CHAF1B: variants seen among roughly 807,000 people sequenced by gnomAD.
The protein encoded by CHAF1B is chromatin assembly factor 1 subunit B.
CHAF1B carries 10 observed loss-of-function variants against 60.7 expected under a neutral mutation model. The observed-to-expected ratio is 0.16, with a 90% CI of 0.10 to 0.28. The LOEUF is 0.28. Among genes scored for constraint, CHAF1B ranks in the 10% least tolerant of loss-of-function variants. The pLI is 1.00. For missense variants in CHAF1B, 558 were observed against 708.4 expected (o/e 0.79, Z 2.41); for synonymous variants, 261 against 266.1 (o/e 0.98, Z 0.19).
chr21:36,409,488 G>C, intron 10 of CHAF1B, 23 bp downstream of exon 10: 1 of 1,581,036 alleles, frequency 6.3e-7, no homozygotes, highest in Non-Finnish European at 8.7e-7. Flanking sequence ...CCTCAGGGGT[G>C]TGTTATGTTT....
At chr21:36,402,912 T>G (rs925969228) in intron 8 of CHAF1B, 61 bp downstream of exon 8, 7 of 1,338,918 alleles carry the variant, frequency 5.2e-6, no homozygotes, top group Non-Finnish European at 7.5e-6. Flanking sequence ...CTGCTCCCGT[T>G]TTACGCTGCA....
intron 10 of CHAF1B, among the ~76,000 whole-genome samples, chr21:36,410,329 T>C (rs1298438420): frequency 6.6e-6 from 1 of 152,224 alleles, no homozygotes; most frequent in Non-Finnish European, 1.5e-5. Flanking sequence ...ATAGTTTTTA[T>C]TACATTTGGG....
In CHAF1B at chr21:36,387,661, C is replaced by T. The variant is rs1322452912; in HGVS notation, c.190C>T (p.Arg64Cys). Reference sequence around the variant, plus strand: ...CGTGGAATTTTTGTCCAATCTTGCTCGTCATACCAAAGCCGTCAATGTTGT... The same window carrying T: ...CGTGGAATTTTTGTCCAATCTTGCTTGTCATACCAAAGCCGTCAATGTTGT... ...AIVEFLSNLA[R>C]HTKAVNVVRF... Residue 64 changes from arginine (R) to cysteine (C), a missense_variant, in exon 3 of 14, where the codon CGT becomes TGT. Physicochemically the swap from Arg to Cys is radical, Grantham distance 180 (BLOSUM62 -3). Transcript: ENST00000314103. The T allele has an allele frequency of 1.2e-6, 2 of 1,614,152 alleles. No homozygotes were observed. The highest frequency in any genetic ancestry group is 1.7e-6 in the Non-Finnish European group (2 of 1,180,034).
chr21:36,402,964 G>A lies in CHAF1B; in HGVS notation c.757+113G>A, dbSNP rs564121264. ...AATGCTGATTAGAGTGGGGGTCCCC[G>A]ACTTACCTGCCCATTGGAACCTCCA... is the stretch of plus-strand genomic sequence containing the variant. On this transcript the variant is annotated intron_variant, in intron 8 of 13. Coordinates refer to ENST00000314103, the MANE Select transcript of CHAF1B (RefSeq NM_005441.3). 27 of 824,194 alleles carry A rather than the reference G, an allele frequency of 3.3e-5. No individual in the cohort carries two copies. In the African/African-American group the frequency reaches 3.6e-4, roughly 11 times the overall value. The allele number at this position is 824,194 out of a possible 1,614,324, so 51.1% of individuals were successfully genotyped here. A position where few individuals can be genotyped will look rare whatever the true frequency, so the allele number is the denominator to read the frequency against.
intron 12 of CHAF1B, among the ~76,000 whole-genome samples, chr21:36,414,909 G>A (rs776398032): frequency 6.6e-6 from 1 of 152,132 alleles, no homozygotes; most frequent in Non-Finnish European, 1.5e-5. Context: ...CATCTTGCCC[G>A]GCCCAACGCT....
intron 6 of CHAF1B, among the ~76,000 whole-genome samples, chr21:36,399,033 C>A (rs2086164993): frequency 6.7e-6 from 1 of 149,452 alleles, no homozygotes; most frequent in Non-Finnish European, 1.5e-5. Flanking sequence ...ATGTGACTTA[C>A]CAATTTTTTT....
At chr21:36,393,288 A>G (rs753345365) in intron 4 of CHAF1B, among the ~76,000 whole-genome samples, 4 of 152,170 alleles carry the variant, frequency 2.6e-5, no homozygotes, top group Non-Finnish European at 4.4e-5. Context: ...GGGTCTCACT[A>G]TGTTGCCCAG....
At chr21:36,387,514 C>A in intron 2 of CHAF1B, 84 bp from the exon 3 acceptor site, 2 of 1,537,600 alleles carry the variant, frequency 1.3e-6, no homozygotes, top group African/African-American at 1.4e-5. Flanking sequence ...AGCCACCACA[C>A]CCAGCCCATA....
In CHAF1B at chr21:36,412,924, G is replaced by A; in HGVS notation, c.1102G>A (p.Gly368Ser). 2 of 1,614,144 alleles carry A rather than the reference G, an allele frequency of 1.2e-6. No individual in the cohort carries two copies. The highest frequency in any genetic ancestry group is 1.1e-5 in the South Asian group (1 of 91,078). ...GAFLAISSTD[G>S]YCSFVTFEKD... Reference sequence around the variant, plus strand: ...CTTCCTGGCCATTTCTTCCACGGACGGTTACTGCTCATTTGTGACATTTGA... The same window carrying A: ...CTTCCTGGCCATTTCTTCCACGGACAGTTACTGCTCATTTGTGACATTTGA... Residue 368 changes from glycine (G) to serine (S), a missense_variant, in exon 12 of 14, where the codon GGT becomes AGT. This residue lies in a region of CHAF1B where 325 missense variants were observed against 493.5 expected (regional missense o/e 0.66). Transcript: ENST00000314103.
intron 3 of CHAF1B, among the ~76,000 whole-genome samples, chr21:36,389,800 T>TGTGTGTGTGTGTGC: frequency 1.4e-4 from 18 of 124,802 alleles, no homozygotes; most frequent in African/African-American, 4.6e-4. Flanking sequence ...TGTGTGTGTG[T>TGTGTGTGTGTGTGC]GCGCGCGCAC....
At chr21:36,389,615 A>G (rs2086066178) in intron 3 of CHAF1B, among the ~76,000 whole-genome samples, 1 of 151,966 alleles carries the variant, frequency 6.6e-6, no homozygotes, top group African/African-American at 2.4e-5. Flanking sequence ...AAAAAAAAAA[A>G]AAAAAAGTAA....
intron 3 of CHAF1B, among the ~76,000 whole-genome samples, chr21:36,389,982 T>C (rs2086073340): frequency 6.6e-6 from 1 of 152,102 alleles, no homozygotes; most frequent in African/African-American, 2.4e-5. Flanking sequence ...TCAGGGCCAA[T>C]GGCATGTTAA....
chr21:36,415,002 C>A (rs1209990017), intron 12 of CHAF1B, among the ~76,000 whole-genome samples: 2 of 152,190 alleles, frequency 1.3e-5, no homozygotes, highest in African/African-American at 4.8e-5. Context: ...CAGCAGCCAG[C>A]AGAGTGTTCA....
chr21:36,389,800 T>TGCGCGC (rs1555911823), intron 3 of CHAF1B, among the ~76,000 whole-genome samples: 1,499 of 124,706 alleles, frequency 0.012, 35 homozygotes, highest in African/African-American at 0.036. Flanking sequence ...TGTGTGTGTG[T>TGCGCGC]GCGCGCGCAC....
At chr21:36,386,714 TTTC>T (rs1348283533) in intron 2 of CHAF1B, among the ~76,000 whole-genome samples, 1 of 151,616 alleles carries the variant, frequency 6.6e-6, no homozygotes, top group African/African-American at 2.4e-5. Context: ...AGAGAGCTGC[TTTC>T]TTTTTTTTTT....
At chr21:36,389,800 T>TGTGTGTGTGCGCGCGCGCGCGCGC in intron 3 of CHAF1B, among the ~76,000 whole-genome samples, 11 of 124,796 alleles carry the variant, frequency 8.8e-5, no homozygotes, top group African/African-American at 3.9e-4. Context: ...TGTGTGTGTG[T>TGTGTGTGTGCGCGCGCGCGCGCGC]GCGCGCGCAC....
At chr21:36,401,072 G>A (rs185000164) in intron 7 of CHAF1B, among the ~76,000 whole-genome samples, 1 of 151,962 alleles carries the variant, frequency 6.6e-6, no homozygotes, top group African/African-American at 2.4e-5. Flanking sequence ...TTCGAGACTA[G>A]CCTGGCTAAC....
intron 7 of CHAF1B, among the ~76,000 whole-genome samples, chr21:36,400,658 C>T (rs68081676): frequency 0.098 from 14,822 of 151,982 alleles, 1,360 homozygotes; most frequent in African/African-American, 0.25. Context: ...GCAGGTCGAG[C>T]GTTGGATCTG....
chr21:36,402,618 C>A, intron 7 of CHAF1B, 140 bp from the exon 8 acceptor site: 1 of 655,722 alleles, frequency 1.5e-6, no homozygotes, highest in Non-Finnish European at 2.7e-6. Flanking sequence ...CAATAAATGA[C>A]ACTATGTAAA....
Sources: allele counts gnomAD v4.1 joint callset (sites outside exome capture counted in the v4.1 genomes callset), GRCh38; gene constraint gnomAD v4.1.1; regional missense constraint gnomAD v4.1.1; transcripts MANE v1.5; gene names NCBI Gene and HGNC (gene_info 2026-07-23, HGNC 2026-07-21).